Variants in AADAT observed in about 807,000 individuals in gnomAD.
AADAT encodes the protein aminoadipate aminotransferase, also known as kynurenine/alpha-aminoadipate aminotransferase, mitochondrial.
AADAT carries 25 observed loss-of-function variants against 56.2 expected under a neutral mutation model. The observed-to-expected ratio is 0.44, with a 90% confidence interval of 0.32 to 0.62. The LOEUF (loss-of-function observed/expected upper bound fraction) is 0.62, where lower values mean the gene tolerates loss of function less well. Ranked by LOEUF, AADAT falls within the 20% of genes least tolerant of loss-of-function variation. The pLI, the probability that AADAT is intolerant of heterozygous loss-of-function variation, is 0.04. For synonymous variants in AADAT, 173 were observed against 164.7 expected, an observed-to-expected ratio of 1.05 and a Z score of -0.39; for missense variants, 387 against 510.5, an observed-to-expected ratio of 0.76 and a Z score of 2.33.
chr4:170,078,524 T>C lies in AADAT; in HGVS notation c.429A>G (p.Ser143=). 1 of 1,606,018 alleles carries C rather than the reference T, an allele frequency of 6.2e-7. No individual in the cohort carries two copies. Among genetic ancestry groups the C allele is most frequent in the Non-Finnish European group, 8.5e-7 (1 of 1,175,374 alleles). The change falls in exon 4 of 13, where the codon TCA becomes TCG. Residue 143 remains serine (S), a synonymous_variant. Transcript: ENST00000337664. ...DNVLLDEPAY[S]GTLQSLHPLG... The stretch of plus-strand genomic sequence containing the variant: ...GTATACTCACACTTTGAAGAGTTCC[T>C]GAATAAGCAGGTTCATCTAGGAGGA...
intron 4 of AADAT, among the ~76,000 whole-genome samples, chr4:170,073,656 C>A (rs185509174): frequency 6.6e-5 from 10 of 151,954 alleles, no homozygotes; most frequent in Non-Finnish European, 1.5e-4. Flanking sequence ...CACGCCACCA[C>A]GCCCAGGTAA....
intron 10 of AADAT, 52 bp downstream of exon 10, chr4:170,066,362 A>G (rs1731461627): frequency 6.2e-6 from 9 of 1,462,544 alleles, no homozygotes; most frequent in Admixed American, 1.7e-5. Context: ...TTTATCCCCT[A>G]CTTTTACAGA....
intron 8 of AADAT, 24 bp downstream of exon 8, chr4:170,068,567 A>AG: frequency 6.5e-7 from 1 of 1,540,392 alleles, no homozygotes; most frequent in South Asian, 1.2e-5. Context: ...CAAAAAAAAA[A>AG]TCGATTTCCT....
At chr4:170,068,516 G>A (rs1731594437) in intron 8 of AADAT, 75 bp downstream of exon 8, 1 of 1,136,626 alleles carries the variant, frequency 8.8e-7, no homozygotes. Flanking sequence ...GAGTTCCTGT[G>A]CTCTACCATC....
chr4:170,080,022 G>A (rs1732215975), intron 3 of AADAT, among the ~76,000 whole-genome samples: 4 of 152,296 alleles, frequency 2.6e-5, no homozygotes, highest in Admixed American at 2.0e-4. Flanking sequence ...GGGAAAGTGG[G>A]CTGGAGGAGA....
intron 8 of AADAT, among the ~76,000 whole-genome samples, chr4:170,067,746 C>T (rs1039192852): frequency 1.8e-4 from 27 of 152,040 alleles, no homozygotes; most frequent in African/African-American, 2.9e-4. Flanking sequence ...GCTCCTGACC[C>T]GCGCTGTTAA....
intron 11 of AADAT, among the ~76,000 whole-genome samples, chr4:170,062,286 A>G (rs891423274): frequency 2.0e-5 from 3 of 152,242 alleles, no homozygotes; most frequent in Non-Finnish European, 4.4e-5. Flanking sequence ...TAATGTAGAA[A>G]GGACAGCTTC....
At chr4:170,082,060 A>G (rs1732345246) in intron 3 of AADAT, among the ~76,000 whole-genome samples, 1 of 152,218 alleles carries the variant, frequency 6.6e-6, no homozygotes, top group Admixed American at 6.5e-5. Flanking sequence ...GTGCAAAAGA[A>G]AACTTTTCAA....
At chr4:170,068,735 A>G (rs755196147) in intron 7 of AADAT, 48 bp from the exon 8 acceptor site, 2 of 1,205,244 alleles carry the variant, frequency 1.7e-6, no homozygotes, top group East Asian at 2.4e-5. Context: ...ATTAACAATT[A>G]ATACATATCA....
chr4:170,078,630 ACT>A, intron 3 of AADAT, 47 bp from the exon 4 acceptor site: 1 of 1,354,894 alleles, frequency 7.4e-7, no homozygotes, highest in South Asian at 1.4e-5. Flanking sequence ...ATAGGTTAGT[ACT>A]GTTTCCATGC....
At chr4:170,069,427 T>C (rs2111161026) in intron 6 of AADAT, among the ~76,000 whole-genome samples, 197 bp from the exon 7 acceptor site, 1 of 152,338 alleles carries the variant, frequency 6.6e-6, no homozygotes, top group East Asian at 1.9e-4. Context: ...CTTGTCTTCA[T>C]GGCTTTTCTG....
rs72702393 is a variant in AADAT at position 170,074,374 on chromosome 4, G to T, written c.445-1029C>A. Among the ~76,000 whole-genome samples, 522 of 152,068 alleles carry T rather than the reference G, an allele frequency of 3.4e-3. 3 individuals carry two copies. The highest frequency in any genetic ancestry group is 5.6e-3 in the Non-Finnish European group (378 of 68,008). On this transcript the variant is annotated intron_variant, in intron 4 of 12. Coordinates refer to ENST00000337664, the MANE Select transcript of AADAT (RefSeq NM_016228.4). ...GCCCCCTTCCTGACTCCCCCCAGCA[G>T]TCAGCCTCAGTATCTTTTGTTGACA...
chr4:170,070,354 T>A (rs1731698378), intron 6 of AADAT: 1 of 369,330 alleles, frequency 2.7e-6, no homozygotes, highest in Middle Eastern at 7.3e-4. Flanking sequence ...GCTACTATTT[T>A]GAAGGTAAGT....
chr4:170,070,538 T>G, intron 6 of AADAT, 49 bp downstream of exon 6: 1 of 1,442,680 alleles, frequency 6.9e-7, no homozygotes. Context: ...TGCAGTAACT[T>G]AAAACAACTT....
chr4:170,091,108 G>A (rs555149798), upstream of AADAT, among the ~76,000 whole-genome samples: 2 of 152,224 alleles, frequency 1.3e-5, no homozygotes, highest in East Asian at 1.9e-4. Flanking sequence ...GCGCCTCCTC[G>A]GCCTCAGCGC....
intron 2 of AADAT, among the ~76,000 whole-genome samples, chr4:170,087,585 A>T (rs1732625318): frequency 6.6e-6 from 1 of 152,178 alleles, no homozygotes; most frequent in Admixed American, 6.5e-5. Flanking sequence ...GAAGAGTTCT[A>T]TGGCTACCTA....
chr4:170,085,749 C>G (rs555605107), intron 3 of AADAT, among the ~76,000 whole-genome samples: 1 of 152,116 alleles, frequency 6.6e-6, no homozygotes, highest in East Asian at 1.9e-4. Context: ...TTTTACTTTT[C>G]CTAATTAAAT....
chr4:170,080,845 CAAACA>C (rs990073455), intron 3 of AADAT, among the ~76,000 whole-genome samples: 4 of 152,206 alleles, frequency 2.6e-5, no homozygotes, highest in Non-Finnish European at 5.9e-5. Context: ...ATCAAACAAA[CAAACA>C]AAACTAGAAT....
intron 4 of AADAT, among the ~76,000 whole-genome samples, chr4:170,077,430 C>A (rs115267676): frequency 0.015 from 2,239 of 151,850 alleles, 40 homozygotes; most frequent in Non-Finnish European, 0.017. Context: ...TTTATTCCTA[C>A]GTATTTTATT....
Sources: gnomAD v4.1 joint callset for allele counts (sites outside exome capture counted in the v4.1 genomes callset) on GRCh38, gnomAD v4.1.1 for gene constraint, MANE v1.5 for transcripts, NCBI Gene and HGNC (gene_info 2026-07-23, HGNC 2026-07-21) for gene names.